Variants in P3H2 observed in about 807,000 individuals in gnomAD.
P3H2 encodes prolyl 3-hydroxylase 2, also known as leprecan-like 1.
P3H2 carries 80 observed loss-of-function variants against 87.0 expected under a neutral mutation model. The observed-to-expected ratio is 0.92, with a 90% CI of 0.77 to 1.11. P3H2 has a LOEUF of 1.11. P3H2 is among the 50% of genes least tolerant of loss of function. The probability of loss-of-function intolerance (pLI) is 0.00; values close to 1 mark genes in which losing one functional copy is unlikely to be tolerated. For missense variants in P3H2, 1,001 were observed against 923.9 expected (o/e 1.08, Z -1.08); for synonymous variants, 367 against 359.3 (o/e 1.02, Z -0.24).
intron 13 of P3H2, among the ~76,000 whole-genome samples, chr3:189,966,138 A>AGAAG (rs1722991547): frequency 1.0e-5 from 1 of 96,856 alleles, no homozygotes; most frequent in Non-Finnish European, 2.5e-5. Flanking sequence ...AAAGAAAGAA[A>AGAAG]GAAAGAAAGA....
rs141817804 is a variant in P3H2 at position 189,998,441 on chromosome 3, C to T, written c.481-2999G>A. Among the ~76,000 whole-genome samples, 771 of 152,258 alleles carry T rather than the reference C, an allele frequency of 5.1e-3. 8 individuals are homozygous for T. The highest frequency in any genetic ancestry group is 0.018 in the African/African-American group (733 of 41,546). On this transcript the variant is annotated intron_variant, in intron 1 of 14. Coordinates refer to ENST00000319332, the MANE Select transcript of P3H2 (RefSeq NM_018192.4). ...TGAAATATGTCATGTCCTATAAGGCCAAGCTTAAATCCTGCCTTCTCTAAG... is the reference window on the plus strand; with the variant it reads ...TGAAATATGTCATGTCCTATAAGGCTAAGCTTAAATCCTGCCTTCTCTAAG...
At chr3:190,022,920 G>A (rs6775007) in intron 1 of P3H2, among the ~76,000 whole-genome samples, 101,463 of 151,954 alleles carry the variant, frequency 0.67, 35,066 homozygotes, top group East Asian at 0.93. Flanking sequence ...TCCACCTCCC[G>A]GGTTCACGCC....
At chr3:190,110,931 A>G (rs1192733091) in intron 1 of P3H2, among the ~76,000 whole-genome samples, 1 of 152,218 alleles carries the variant, frequency 6.6e-6, no homozygotes, top group Non-Finnish European at 1.5e-5. Context: ...CAATCCCCAG[A>G]AGTTTCCTGT....
chr3:190,009,046 T>C (rs1047311532), intron 1 of P3H2, among the ~76,000 whole-genome samples: 19 of 152,158 alleles, frequency 1.2e-4, no homozygotes, highest in African/African-American at 4.3e-4. Flanking sequence ...CAGACCTTGA[T>C]GGATAGATGA....
chr3:189,968,562 C>T (rs1374708512), intron 13 of P3H2, among the ~76,000 whole-genome samples: 1 of 152,166 alleles, frequency 6.6e-6, no homozygotes. Context: ...CATACATGTG[C>T]ATATGTCTTT....
At chr3:190,042,910 C>T (rs911621206) in intron 1 of P3H2, among the ~76,000 whole-genome samples, 2 of 152,032 alleles carry the variant, frequency 1.3e-5, no homozygotes, top group African/African-American at 4.8e-5. Context: ...GAAACAAAGG[C>T]TAGTCAATTT....
intron 1 of P3H2, among the ~76,000 whole-genome samples, chr3:189,996,008 T>C (rs1724041783): frequency 1.3e-5 from 2 of 152,158 alleles, no homozygotes; most frequent in African/African-American, 2.4e-5. Context: ...ACACTGTTGG[T>C]AGGAATATAA....
At chr3:189,964,596 T>C (rs1023279106) in intron 13 of P3H2, among the ~76,000 whole-genome samples, 1 of 152,286 alleles carries the variant, frequency 6.6e-6, no homozygotes, top group Non-Finnish European at 1.5e-5. Context: ...TGTACATTCA[T>C]GGTTTATGTG....
chr3:189,991,935 A>G (rs1308715959), intron 3 of P3H2, among the ~76,000 whole-genome samples: 1 of 152,208 alleles, frequency 6.6e-6, no homozygotes, highest in Non-Finnish European at 1.5e-5. Flanking sequence ...CCAGGGTGGT[A>G]GCAAAAGGGG....
chr3:190,006,257 T>G (rs528875249), intron 1 of P3H2, among the ~76,000 whole-genome samples: 10 of 152,238 alleles, frequency 6.6e-5, no homozygotes, highest in African/African-American at 2.2e-4. Flanking sequence ...TAGGGCTGGA[T>G]AGACTATTTA....
At chr3:189,987,200 C>T (rs114578485) in intron 5 of P3H2, among the ~76,000 whole-genome samples, 16,601 of 152,174 alleles carry the variant, frequency 0.11, 1,094 homozygotes, top group Middle Eastern at 0.22. Context: ...TCAGGCCAGG[C>T]GCGGTGGCTC....
chr3:190,110,109 A>G (rs113643538), intron 1 of P3H2, among the ~76,000 whole-genome samples: 4 of 152,166 alleles, frequency 2.6e-5, no homozygotes, highest in African/African-American at 9.6e-5. Flanking sequence ...TCAGCCTCCC[A>G]AAGTGCTGGG....
intron 3 of P3H2, among the ~76,000 whole-genome samples, 160 bp downstream of exon 3, chr3:189,993,934 A>G (rs537913738): frequency 1.2e-4 from 19 of 152,206 alleles, no homozygotes; most frequent in Non-Finnish European, 2.6e-4. Context: ...CCAAAATTTT[A>G]ACTACATACA....
At chr3:189,973,722 C>CT (rs1723256253) in intron 10 of P3H2, among the ~76,000 whole-genome samples, 187 bp downstream of exon 10, 1 of 151,780 alleles carries the variant, frequency 6.6e-6, no homozygotes, top group Non-Finnish European at 1.5e-5. Flanking sequence ...GACGGGGTTT[C>CT]ACCATGTTAG....
At chr3:190,024,044 A>G (rs890532654) in intron 1 of P3H2, among the ~76,000 whole-genome samples, 1 of 152,188 alleles carries the variant, frequency 6.6e-6, no homozygotes, top group Non-Finnish European at 1.5e-5. Context: ...ATACTATAAT[A>G]TTAAATATAA....
chr3:189,979,396 C>T (rs1159677741), intron 8 of P3H2, among the ~76,000 whole-genome samples: 1 of 151,956 alleles, frequency 6.6e-6, no homozygotes, highest in African/African-American at 2.4e-5. Context: ...CCACTGTACT[C>T]CAGCTTGGGC....
chr3:189,965,344 G>A lies in P3H2; in HGVS notation c.1894-1246C>T, dbSNP rs536624892. Among the ~76,000 whole-genome samples the A allele has an allele frequency of 9.2e-5, 14 of 152,266 alleles. No individual in the cohort carries two copies. In the South Asian group the frequency reaches 2.3e-3, roughly 25 times the overall value. ...GTCGGAAAGCCAGAGAGACAGGTGG[G>A]TGCATATGTGTTTATGTGGGCATGT... On this transcript the variant is annotated intron_variant, in intron 13 of 14. Transcript: ENST00000319332.
rs748164416 is a variant in P3H2 at position 190,120,688 on chromosome 3, G to GGCAGCAGCA, written c.35_43dup (p.Leu12_Leu14dup). The stretch of plus-strand genomic sequence containing the variant: ...CCACAGTGGCGGCGGCAGTAGCAGC[G>GGCAGCAGCA]GCAGCAGCAGCAGCAGCGGCGGCGC... On this transcript the variant is annotated inframe_insertion, in exon 1 of 15. Coordinates refer to ENST00000319332, the MANE Select transcript of P3H2 (RefSeq NM_018192.4). 3.9e-6 allele frequency: 6 copies of GGCAGCAGCA among 1,521,064 alleles called. No individual in the cohort carries two copies. The highest frequency in any genetic ancestry group is 2.0e-5 in the Admixed American group (1 of 49,954). The allele number at this position is 1,521,064 out of a possible 1,614,324, so 94.2% of individuals were successfully genotyped here. A position where few individuals can be genotyped will look rare whatever the true frequency, so the allele number is the denominator to read the frequency against.
At chr3:189,960,092 T>C (rs1337185631) in intron 14 of P3H2, among the ~76,000 whole-genome samples, 3 of 152,174 alleles carry the variant, frequency 2.0e-5, no homozygotes, top group African/African-American at 4.8e-5. Context: ...AAACATCTTA[T>C]TGTCTCTGGG....
Sources: allele counts gnomAD v4.1 joint callset (sites outside exome capture counted in the v4.1 genomes callset), GRCh38; gene constraint gnomAD v4.1.1; transcripts MANE v1.5; gene names NCBI Gene and HGNC (gene_info 2026-07-23, HGNC 2026-07-21).